Variants in FAP observed in about 807,000 individuals in gnomAD.
FAP encodes prolyl endopeptidase FAP.
Under a neutral mutation model 126.5 loss-of-function variants are expected in FAP, and 110 were observed. The ratio of observed to expected loss-of-function variants is 0.87; its 90% CI spans 0.74 to 1.02. FAP has a LOEUF of 1.02. Among genes scored for constraint, FAP ranks in the 50% least tolerant of loss-of-function variants. The pLI is 0.00. For synonymous variants in FAP, 334 were observed against 297.3 expected (o/e 1.12, Z -1.27); for missense variants, 919 against 909.2 (o/e 1.01, Z -0.14).
Position 162,243,410 on chromosome 2 carries a change from A to C in FAP, c.-83T>G. 2 of 1,552,172 alleles carry C rather than the reference A, an allele frequency of 1.3e-6. No homozygotes were observed. The highest frequency in any genetic ancestry group is 1.7e-6 in the Non-Finnish European group (2 of 1,155,710). ...TCTGTGAAAACCGTTGAAAAGGACCAAGTCTGTCTTTGTAGTTGGAAGCTG... is the reference window on the plus strand; with the variant it reads ...TCTGTGAAAACCGTTGAAAAGGACCCAGTCTGTCTTTGTAGTTGGAAGCTG... On this transcript the variant is annotated 5_prime_UTR_variant, in exon 1 of 26. Coordinates refer to ENST00000188790, the MANE Select transcript of FAP (RefSeq NM_004460.5).
chr2:162,200,711 G>T, intron 14 of FAP, 92 bp from the exon 15 acceptor site: 1 of 576,398 alleles, frequency 1.7e-6, no homozygotes, highest in Non-Finnish European at 3.0e-6. Context: ...ATATAGGTAA[G>T]CATTTATCTA....
chr2:162,226,513 A>G lies in FAP; in HGVS notation c.190+10T>C. On this transcript the variant is annotated intron_variant, in intron 3 of 25. Transcript: ENST00000188790. ...TAAAAAAAACCCCTAAAGATAAATA[A>G]TGCACTTACCTGAAATCCAGTTTGG... 1 of 1,426,666 alleles carries G rather than the reference A, an allele frequency of 7.0e-7. No individual in the cohort carries two copies. The highest frequency in any genetic ancestry group is 1.2e-5 in the South Asian group (1 of 80,194). 88.4% of individuals were successfully genotyped at this position (1,426,666 alleles called of 1,614,324 possible). A position where few individuals can be genotyped will look rare whatever the true frequency, so the allele number is the denominator to read the frequency against.
intron 20 of FAP, chr2:162,183,715 G>A (rs1687770084): frequency 2.9e-6 from 1 of 341,284 alleles, no homozygotes; most frequent in Non-Finnish European, 5.3e-6. Flanking sequence ...GCGGTATAAG[G>A]CCTTGTAGTC....
At chr2:162,234,977 G>A (rs147557505) in intron 2 of FAP, among the ~76,000 whole-genome samples, 1 of 152,266 alleles carries the variant, frequency 6.6e-6, no homozygotes, top group Middle Eastern at 3.4e-3. Flanking sequence ...GAGGGACTTA[G>A]CACCCAGGCC....
At chr2:162,240,662 A>T (rs964946416) in intron 2 of FAP, among the ~76,000 whole-genome samples, 1 of 152,212 alleles carries the variant, frequency 6.6e-6, no homozygotes, top group Non-Finnish European at 1.5e-5. Flanking sequence ...TCAGAAGAAG[A>T]CAGTTCATAC....
chr2:162,179,303 A>C (rs1253930605), intron 21 of FAP, among the ~76,000 whole-genome samples: 2 of 147,158 alleles, frequency 1.4e-5, no homozygotes, highest in Non-Finnish European at 3.0e-5. Context: ...ATTACATAGA[A>C]TTTGTGATTT....
rs200451968 is a variant in FAP, at chr2:162,188,376, C to T, written c.1620-13G>A. The T allele has an allele frequency of 1.3e-6, 2 of 1,593,760 alleles. No homozygotes were observed. Among genetic ancestry groups the T allele is most frequent in the Non-Finnish European group, 1.7e-6 (2 of 1,171,576 alleles). On this transcript the variant is annotated splice_polypyrimidine_tract_variant and intron_variant, in intron 19 of 25. Coordinates refer to ENST00000188790, the MANE Select transcript of FAP (RefSeq NM_004460.5). ...GGGACCACCATACCTAAAGGAAAAA[C>T]AAAAAAAACAAGAATCTTTGATTGC...
rs1198822558 is a variant in FAP at position 162,171,095 on chromosome 2, A to T, written c.2182-15T>A. ...TCAGAGTACCACTGAAACACAAAGA[A>T]AAAAGCTTGTTTTATTCCTGCAGTC... On this transcript the variant is annotated splice_polypyrimidine_tract_variant and intron_variant, in intron 25 of 25. Coordinates refer to ENST00000188790, the MANE Select transcript of FAP (RefSeq NM_004460.5). The T allele has an allele frequency of 1.2e-6, 2 of 1,608,272 alleles. No homozygotes were observed. Among genetic ancestry groups the T allele is most frequent in the South Asian group, 1.1e-5 (1 of 90,644 alleles).
At chr2:162,197,173 T>C (rs1688286490) in intron 16 of FAP, among the ~76,000 whole-genome samples, 1 of 152,242 alleles carries the variant, frequency 6.6e-6, no homozygotes, top group African/African-American at 2.4e-5. Context: ...ACCAGCTTTT[T>C]TGGTAGACTG....
Position 162,188,969 on chromosome 2 carries a change from A to C in FAP, c.1619+134T>G, listed in dbSNP as rs549400712. ...TAGCCATATTTTATTTACTCTGATTAGTTGAAGAATATATAAAAACAGCAT... is the reference window on the plus strand; with the variant it reads ...TAGCCATATTTTATTTACTCTGATTCGTTGAAGAATATATAAAAACAGCAT... On this transcript the variant is annotated intron_variant, in intron 19 of 25. Transcript: ENST00000188790. 6.4e-6 allele frequency: 3 copies of C among 466,352 alleles called. No homozygotes were observed. In the Admixed American group the frequency reaches 1.2e-4, roughly 18 times the overall value. The allele number at this position is 466,352 out of a possible 1,614,324, so 28.9% of individuals were successfully genotyped here.
chr2:162,206,082 G>A (rs572832296), intron 12 of FAP, among the ~76,000 whole-genome samples: 1 of 152,190 alleles, frequency 6.6e-6, no homozygotes, highest in Non-Finnish European at 1.5e-5. Context: ...GAATATTTCT[G>A]ATAAGCAAAG....
chr2:162,231,544 A>G (rs960322441), intron 2 of FAP, among the ~76,000 whole-genome samples: 9 of 152,188 alleles, frequency 5.9e-5, no homozygotes, highest in African/African-American at 2.2e-4. Context: ...GCCCATCTTT[A>G]GTATAGTTAC....
At position 162,209,986 on chromosome 2, in the gene FAP, T is replaced by A; in HGVS notation, c.1013A>T (p.His338Leu). 6.2e-7 allele frequency: 1 copy of A among 1,612,910 alleles called. No homozygotes were observed. Among genetic ancestry groups the A allele is most frequent in the Non-Finnish European group, 8.5e-7 (1 of 1,179,474 alleles). The change falls in exon 12 of 26, where the codon CAT becomes CTT. Residue 338 changes from histidine (H) to leucine (L), a missense_variant. Coordinates refer to ENST00000188790, the MANE Select transcript of FAP (RefSeq NM_004460.5). ...CCATCCAGTTCTGCTTTCTTCTATATGCTCCTGGGTCTAAAAGACAAAAGA... is the reference window on the plus strand; with the variant it reads ...CCATCCAGTTCTGCTTTCTTCTATAAGCTCCTGGGTCTAAAAGACAAAAGA... ...QTWDCPKTQE[H>L]IEESRTGWAG... is the part of the protein sequence containing the mutation.
At chr2:162,172,272 T>G (rs1390553700) in intron 25 of FAP, 1 of 152,190 alleles carries the variant, frequency 6.6e-6, no homozygotes, top group Non-Finnish European at 1.5e-5. Flanking sequence ...AACCTGGATT[T>G]TACATTTAGC....
intron 2 of FAP, among the ~76,000 whole-genome samples, chr2:162,242,504 G>A (rs1412996743): frequency 3.3e-5 from 5 of 152,088 alleles, no homozygotes; most frequent in African/African-American, 1.2e-4. Context: ...AATAAAAAAA[G>A]TCCATAGATT....
At chr2:162,208,568 C>G (rs1688800837) in intron 12 of FAP, among the ~76,000 whole-genome samples, 2 of 152,076 alleles carry the variant, frequency 1.3e-5, no homozygotes, top group African/African-American at 2.4e-5. Flanking sequence ...TCTTGGAGAA[C>G]ATGACTAAAT....
chr2:162,215,248 C>T (rs1164867422), intron 10 of FAP, among the ~76,000 whole-genome samples: 3 of 152,170 alleles, frequency 2.0e-5, no homozygotes, highest in East Asian at 1.9e-4. Context: ...AAGATTGGCC[C>T]GCTAGGCATG....
In FAP at chr2:162,188,215, G is replaced by A. The variant is rs777520322; in HGVS notation, c.1768C>T (p.Arg590Ter). 22 of 1,612,894 alleles carry A rather than the reference G, an allele frequency of 1.4e-5. No homozygotes were observed. The highest frequency in any genetic ancestry group is 4.5e-5 in the East Asian group (2 of 44,862). ...TCAACTTCATAAACACCCAGCTTTC[G>A]ATACACTGCATAGAGGAGTTTGTCA... The part of the protein sequence containing the change: ...QGDKLLYAVY[R>*]KLGVYEVEDQ... The change falls in exon 20 of 26, where the codon CGA becomes TGA. Residue 590 changes from arginine to a stop codon, truncating the protein, a stop_gained. Coordinates refer to ENST00000188790, the MANE Select transcript of FAP (RefSeq NM_004460.5). LOFTEE classifies it high-confidence loss of function.
chr2:162,207,021 T>C (rs992939647), intron 12 of FAP, among the ~76,000 whole-genome samples: 3 of 152,218 alleles, frequency 2.0e-5, no homozygotes, highest in African/African-American at 7.2e-5. Flanking sequence ...TTAAAATTTA[T>C]ACTAATACGA....
Sources: gnomAD v4.1 joint callset for allele counts (sites outside exome capture counted in the v4.1 genomes callset) on GRCh38, gnomAD v4.1.1 for gene constraint, MANE v1.5 for transcripts, NCBI Gene and HGNC (gene_info 2026-07-23, HGNC 2026-07-21) for gene names.